The following DYRK4 variants were observed in gnomAD, a reference collection of about 807,000 sequenced individuals.
The protein encoded by DYRK4 is dual specificity tyrosine-phosphorylation-regulated kinase 4.
Under a neutral mutation model 68.3 loss-of-function variants are expected in DYRK4, and 64 were observed. The observed-to-expected ratio is 0.94, with a 90% CI of 0.77 to 1.15. The LOEUF is 1.15. Ranked by LOEUF, DYRK4 falls within the 50% of genes most tolerant of loss-of-function variation. The pLI is 0.00. For missense variants in DYRK4, 740 were observed against 764.7 expected (o/e 0.97, Z 0.38); for synonymous variants, 274 against 289.9 (o/e 0.95, Z 0.56).
intron 3 of DYRK4, 174 bp from the exon 4 acceptor site, chr12:4,590,156 C>T (rs1328865647): frequency 5.8e-6 from 8 of 1,371,006 alleles, no homozygotes; most frequent in Non-Finnish European, 7.5e-6. Flanking sequence ...TTTGTTGACT[C>T]TGCTGCTCTG....
Position 4,572,451 on chromosome 12 carries a change from T to TTTG in DYRK4, c.132+4420_132+4422dup, listed in dbSNP as rs527847736. 1.9e-4 allele frequency among the ~76,000 whole-genome samples: 29 copies of TTTG among 152,008 alleles called. 1 individual carries two copies. Among genetic ancestry groups the TTTG allele is most frequent in the East Asian group, 7.7e-4 (4 of 5,174 alleles). On this transcript the variant is annotated intron_variant, in intron 2 of 14. Transcript: ENST00000543431. Reference sequence around the variant, plus strand: ...CGCCCGCCACCACACCTGGCTAATTTTTGTTGTTGTTGTTGTTGTATTTTT... The same window carrying TTTG: ...CGCCCGCCACCACACCTGGCTAATTTTTGTTGTTGTTGTTGTTGTTGTATTTTT...
intron 2 of DYRK4, among the ~76,000 whole-genome samples, chr12:4,570,575 T>C (rs1187745125): frequency 6.6e-6 from 1 of 152,218 alleles, no homozygotes; most frequent in Non-Finnish European, 1.5e-5. Context: ...GTATGACTTA[T>C]AATCCCTTCA....
intron 8 of DYRK4, among the ~76,000 whole-genome samples, chr12:4,598,656 T>A (rs146443798): frequency 6.6e-6 from 1 of 152,322 alleles, no homozygotes; most frequent in African/African-American, 2.4e-5. Context: ...CAGCCCTTAT[T>A]AGGCCTGGGC....
Position 4,591,367 on chromosome 12 carries a change from G to T in DYRK4, c.463+69G>T. 3 of 1,561,238 alleles carry T rather than the reference G, an allele frequency of 1.9e-6. No homozygotes were observed. Among genetic ancestry groups the T allele is most frequent in the South Asian group, 1.2e-5 (1 of 82,140 alleles). ...AGGTCGGGGTGTTAAGAGCTAAGCT[G>T]CGCTGGAGTGAGCTAAGCTGCCAGG... is the stretch of plus-strand genomic sequence containing the variant. On this transcript the variant is annotated intron_variant, in intron 5 of 14. Transcript: ENST00000543431. This position sits in a 1 kb window ranked among gnomAD's most constrained non-coding sequence, Gnocchi z 4.1.
At chr12:4,576,495 T>A (rs1944790907) in intron 2 of DYRK4, among the ~76,000 whole-genome samples, 1 of 152,240 alleles carries the variant, frequency 6.6e-6, no homozygotes, top group South Asian at 2.1e-4. Flanking sequence ...GGTTTTTATG[T>A]GGACATACAT....
chr12:4,574,007 C>T (rs1944758294), intron 2 of DYRK4, among the ~76,000 whole-genome samples: 1 of 152,056 alleles, frequency 6.6e-6, no homozygotes, highest in Admixed American at 6.5e-5. Context: ...GGGTGGATCA[C>T]AAGGTCAGGA....
chr12:4,586,502 G>A (rs969538047), intron 2 of DYRK4, among the ~76,000 whole-genome samples: 2 of 152,104 alleles, frequency 1.3e-5, no homozygotes, highest in Non-Finnish European at 2.9e-5. Flanking sequence ...GCCTCCCAGC[G>A]ATCCCTTGGT....
At chr12:4,612,369 C>A in intron 13 of DYRK4, 174 bp from the exon 14 acceptor site, 1 of 598,044 alleles carries the variant, frequency 1.7e-6, no homozygotes, top group Non-Finnish European at 2.8e-6. Flanking sequence ...AGATTATTTC[C>A]ATTAGTTGTT....
intron 2 of DYRK4, among the ~76,000 whole-genome samples, chr12:4,568,956 C>T (rs1944703713): frequency 6.6e-6 from 1 of 152,238 alleles, no homozygotes; most frequent in African/African-American, 2.4e-5. Flanking sequence ...GGTTTGACTT[C>T]TGAATCCTGC....
chr12:4,594,738 G>A (rs1353571842), intron 6 of DYRK4, among the ~76,000 whole-genome samples: 1 of 151,844 alleles, frequency 6.6e-6, no homozygotes, highest in East Asian at 1.9e-4. Context: ...GGCGTTGTGG[G>A]GAAGAAAGGG....
chr12:4,589,085 T>C (rs1944926223), intron 3 of DYRK4, 68 bp downstream of exon 3: 1 of 1,447,572 alleles, frequency 6.9e-7, no homozygotes, highest in African/African-American at 1.4e-5. Context: ...CAGGGTAGCT[T>C]TGAACAGACA....
At position 4,599,695 on chromosome 12, in the gene DYRK4, T is replaced by C. The variant is rs769725158; in HGVS notation, c.1045-12T>C. 1.1e-5 allele frequency: 17 copies of C among 1,608,992 alleles called. No homozygotes were observed. Among genetic ancestry groups the C allele is most frequent in the Non-Finnish European group, 1.4e-5 (16 of 1,176,088 alleles). On this transcript the variant is annotated splice_polypyrimidine_tract_variant and intron_variant, in intron 9 of 14. Coordinates refer to ENST00000543431, the MANE Select transcript of DYRK4 (RefSeq NM_001394779.1). ...TTACTGTAGCTTGACATATGTCTTT[T>C]CTTCTCTCTAGGAAAATATAGTGCT... is the stretch of plus-strand genomic sequence containing the variant.
At chr12:4,599,920 C>T (rs1027409630) in intron 10 of DYRK4, 132 bp downstream of exon 10, 8 of 710,644 alleles carry the variant, frequency 1.1e-5, no homozygotes, top group African/African-American at 3.6e-5. Context: ...CAAGGTGCTT[C>T]GCTTCTCTGA....
chr12:4,607,353 C>A lies in DYRK4; in HGVS notation c.1326C>A (p.Phe442Leu), dbSNP rs201010702. Reference protein sequence around the residue: ...MEVLGLPPAGFIQTASRRQTF... With the variant: ...MEVLGLPPAGLIQTASRRQTF... ...TGCTGGGTCTGCCGCCAGCCGGCTT[C>A]ATTCAGACAGCCTCCAGGAGACAGA... Residue 442 changes from phenylalanine (F) to leucine (L), a missense_variant, in exon 12 of 15, where the codon TTC (phenylalanine) becomes TTA (leucine). Around this residue, in one of 3 missense-constraint regions of DYRK4, gnomAD observed 614 missense variants for 603.7 expected, o/e 1.02. Transcript: ENST00000543431. 23 of 1,614,222 alleles carry A rather than the reference C, an allele frequency of 1.4e-5. No homozygotes were observed. In the African/African-American group the frequency reaches 2.7e-4, roughly 19 times the overall value.
chr12:4,603,571 TC>T (rs1352528634), intron 10 of DYRK4, among the ~76,000 whole-genome samples: 1 of 152,144 alleles, frequency 6.6e-6, no homozygotes, highest in Non-Finnish European at 1.5e-5. Flanking sequence ...GCTCTTCACA[TC>T]GAGGCAAGGG....
chr12:4,588,896 C>T (rs1944924608), intron 2 of DYRK4, 41 bp from the exon 3 acceptor site: 1 of 1,516,864 alleles, frequency 6.6e-7, no homozygotes, highest in Non-Finnish European at 8.9e-7. Flanking sequence ...TGGGATAAAG[C>T]CATGCCAAGC....
intron 2 of DYRK4, among the ~76,000 whole-genome samples, chr12:4,581,596 C>T (rs868131939): frequency 1.4e-4 from 22 of 152,074 alleles, no homozygotes; most frequent in Non-Finnish European, 1.0e-4. Context: ...CCACTAAGAA[C>T]GAGGAATGAG....
rs2137375576 is a variant in DYRK4, at chr12:4,596,171, A to G, written c.650A>G (p.Tyr217Cys). 2 of 1,614,176 alleles carry G rather than the reference A, an allele frequency of 1.2e-6. No homozygotes were observed. The highest frequency in any genetic ancestry group is 2.2e-5 in the South Asian group (2 of 91,078). ...CAGGTCCTGCATGATCACATTGCCTACCGCTATGAAGTTCTGGAGACAATC... is the reference window on the plus strand; with the variant it reads ...CAGGTCCTGCATGATCACATTGCCTGCCGCTATGAAGTTCTGGAGACAATC... ...YLKVLHDHIA[Y>C]RYEVLETIGK... The change falls in exon 7 of 15, where the codon TAC (tyrosine) becomes TGC (cysteine). Residue 217 changes from tyrosine (Y) to cysteine (C), a missense_variant. This residue lies in a region of DYRK4 where 614 missense variants were observed against 603.7 expected (regional missense o/e 1.02). Transcript: ENST00000543431.
At chr12:4,562,708 C>T (rs1326726104) in intron 1 of DYRK4, among the ~76,000 whole-genome samples, 4 of 152,234 alleles carry the variant, frequency 2.6e-5, no homozygotes, top group Non-Finnish European at 4.4e-5. Flanking sequence ...CGACCACACG[C>T]CTCGCGTGGA....
Sources: gnomAD v4.1 joint callset for allele counts (sites outside exome capture counted in the v4.1 genomes callset) on GRCh38, gnomAD v4.1.1 for gene constraint, gnomAD v4.1.1 regional missense constraint, Gnocchi (gnomAD v3.1) non-coding constraint, MANE v1.5 for transcripts, NCBI Gene and HGNC (gene_info 2026-07-23, HGNC 2026-07-21) for gene names.